The following ZCWPW2 variants were observed in gnomAD, a reference collection of about 807,000 sequenced individuals.
ZCWPW2 encodes the protein zinc finger CW-type and PWWP domain containing 2, also known as zinc finger CW-type PWWP domain protein 2.
Under a neutral mutation model 46.6 loss-of-function variants are expected in ZCWPW2, and 45 were observed. The observed-to-expected ratio is 0.96, with a 90% CI of 0.76 to 1.24. The LOEUF (loss-of-function observed/expected upper bound fraction) is 1.24. Among genes scored for constraint, ZCWPW2 ranks in the 50% most tolerant of loss-of-function variants. ZCWPW2 has a pLI of 0.00. For missense variants in ZCWPW2, 429 were observed against 403.9 expected, an observed-to-expected ratio of 1.06 and a Z score of -0.53; for synonymous variants, 152 against 137.1, an observed-to-expected ratio of 1.11 and a Z score of -0.76.
chr3:28,448,746 C>T (rs1181588589), intron 4 of ZCWPW2, among the ~76,000 whole-genome samples: 2 of 105,704 alleles, frequency 1.9e-5, no homozygotes, highest in African/African-American at 7.4e-5. Flanking sequence ...GATTATGCCA[C>T]TACACTCCAG....
chr3:28,395,159 G>T (rs1695644953), intron 2 of ZCWPW2, among the ~76,000 whole-genome samples: 1 of 152,028 alleles, frequency 6.6e-6, no homozygotes, highest in South Asian at 2.1e-4. Context: ...ATGTTGAAAA[G>T]ATGTTCAACA....
At chr3:28,369,517 GT>G (rs1575056816) in intron 1 of ZCWPW2, among the ~76,000 whole-genome samples, 1 of 152,288 alleles carries the variant, frequency 6.6e-6, no homozygotes, top group East Asian at 1.9e-4. Flanking sequence ...TCCTCTGGAA[GT>G]TTTGTCTCAG....
chr3:28,389,128 C>T (rs1054426789), intron 1 of ZCWPW2, among the ~76,000 whole-genome samples: 1 of 152,034 alleles, frequency 6.6e-6, no homozygotes, highest in Admixed American at 6.6e-5. Context: ...ACCTCTAGGC[C>T]GACAGAGCAT....
At chr3:28,456,563 G>T (rs1293510518) in intron 4 of ZCWPW2, among the ~76,000 whole-genome samples, 1 of 152,140 alleles carries the variant, frequency 6.6e-6, no homozygotes, top group East Asian at 1.9e-4. Context: ...GTTTTCAAGG[G>T]AATGCTTCCA....
chr3:28,518,779 C>T (rs1700646558), intron 8 of ZCWPW2, among the ~76,000 whole-genome samples: 1 of 152,122 alleles, frequency 6.6e-6, no homozygotes, highest in South Asian at 2.1e-4. Context: ...TATTAAATGT[C>T]ATTGTCAATT....
chr3:28,453,512 A>C, intron 4 of ZCWPW2, among the ~76,000 whole-genome samples: 1 of 152,210 alleles, frequency 6.6e-6, no homozygotes, highest in Admixed American at 6.5e-5. Flanking sequence ...TTCTTTTCTA[A>C]GAAATTGCAA....
At chr3:28,378,559 A>G (rs1559479787) in intron 1 of ZCWPW2, among the ~76,000 whole-genome samples, 1 of 152,214 alleles carries the variant, frequency 6.6e-6, no homozygotes, top group East Asian at 1.9e-4. Flanking sequence ...TGATAAAGAG[A>G]TGTTCAGATC....
chr3:28,403,594 C>T (rs928491188), intron 2 of ZCWPW2, among the ~76,000 whole-genome samples: 13 of 152,034 alleles, frequency 8.6e-5, no homozygotes, highest in African/African-American at 2.4e-5. Context: ...CAAAGCAAGA[C>T]TAAGCAAAAA....
chr3:28,349,333 C>T, intron 1 of ZCWPW2, 130 bp downstream of exon 1: 1 of 441,578 alleles, frequency 2.3e-6, no homozygotes, highest in Non-Finnish European at 3.0e-6. Context: ...TGGCTCGGCT[C>T]AGTAGCGCTG....
chr3:28,376,042 A>G (rs555076212), intron 1 of ZCWPW2, among the ~76,000 whole-genome samples: 3 of 152,022 alleles, frequency 2.0e-5, no homozygotes, highest in South Asian at 2.1e-4. Context: ...CCATTCATCT[A>G]TTGGTGGACA....
chr3:28,388,611 G>A (rs1695368609), intron 1 of ZCWPW2, among the ~76,000 whole-genome samples: 1 of 152,118 alleles, frequency 6.6e-6, no homozygotes, highest in South Asian at 2.1e-4. Flanking sequence ...TGGGATATTA[G>A]GGGAAGAAAA....
intron 1 of ZCWPW2, among the ~76,000 whole-genome samples, chr3:28,389,405 C>T (rs1033720868): frequency 6.6e-6 from 1 of 152,084 alleles, no homozygotes; most frequent in African/African-American, 2.4e-5. Context: ...ATTAGTTTGA[C>T]AAAAATGTTT....
intron 1 of ZCWPW2, among the ~76,000 whole-genome samples, chr3:28,370,963 C>G (rs1441900088): frequency 2.0e-5 from 3 of 151,956 alleles, no homozygotes; most frequent in African/African-American, 4.8e-5. Flanking sequence ...AACTACCAAC[C>G]TCAGGTGATC....
intron 1 of ZCWPW2, among the ~76,000 whole-genome samples, chr3:28,383,481 A>G (rs1383631464): frequency 6.6e-6 from 1 of 152,056 alleles, no homozygotes; most frequent in East Asian, 1.9e-4. Flanking sequence ...AGTTTTAGCT[A>G]TGGATTCAAT....
chr3:28,440,881 A>G (rs183910561), intron 4 of ZCWPW2, among the ~76,000 whole-genome samples: 1 of 152,286 alleles, frequency 6.6e-6, no homozygotes, highest in East Asian at 1.9e-4. Context: ...ATGGTGATAG[A>G]GGTCCAATAT....
intron 6 of ZCWPW2, among the ~76,000 whole-genome samples, chr3:28,508,231 A>G (rs1406223589): frequency 6.6e-6 from 1 of 152,142 alleles, no homozygotes; most frequent in Non-Finnish European, 1.5e-5. Context: ...AACACCTCCC[A>G]TTAGGCCCCA....
At chr3:28,353,712 A>G (rs968742919) in intron 1 of ZCWPW2, among the ~76,000 whole-genome samples, 1 of 152,214 alleles carries the variant, frequency 6.6e-6, no homozygotes, top group Non-Finnish European at 1.5e-5. Flanking sequence ...GAGTGCCATA[A>G]TTGTCTGCAC....
At chr3:28,482,138 T>G (rs1262837477) in intron 5 of ZCWPW2, among the ~76,000 whole-genome samples, 2 of 152,174 alleles carry the variant, frequency 1.3e-5, no homozygotes, top group Non-Finnish European at 2.9e-5. Flanking sequence ...ATCCTTTGTG[T>G]TCCAGCTGTT....
At chr3:28,409,223 G>A (rs1363913569) in intron 2 of ZCWPW2, among the ~76,000 whole-genome samples, 2 of 146,368 alleles carry the variant, frequency 1.4e-5, no homozygotes, top group African/African-American at 2.5e-5. Flanking sequence ...TGGTTCAAGC[G>A]ATTCTCCTGC....
Sources: allele counts gnomAD v4.1 joint callset (sites outside exome capture counted in the v4.1 genomes callset), GRCh38; gene constraint gnomAD v4.1.1; transcripts MANE v1.5; gene names NCBI Gene and HGNC (gene_info 2026-07-23, HGNC 2026-07-21).